PRUNE2: variants seen among roughly 807,000 people sequenced by gnomAD.
PRUNE2 encodes the protein prune homolog 2 with BCH domain.
A neutral mutation model predicts 252.0 loss-of-function variants in PRUNE2; 164 were observed. The ratio of observed to expected loss-of-function variants is 0.65; its 90% CI spans 0.57 to 0.74. The LOEUF is 0.74. Ranked by LOEUF, PRUNE2 falls within the 30% of genes least tolerant of loss-of-function variation. The pLI, the probability that PRUNE2 is intolerant of heterozygous loss-of-function variation, is 0.00. For synonymous variants in PRUNE2, 1,292 were observed against 1,350.2 expected, an observed-to-expected ratio of 0.96 and a Z score of 0.94; for missense variants, 3,495 against 3,711.0, an observed-to-expected ratio of 0.94 and a Z score of 1.51.
chr9:76,874,338 C>A (rs1405926880), intron 1 of PRUNE2, among the ~76,000 whole-genome samples: 1 of 152,054 alleles, frequency 6.6e-6, no homozygotes, highest in Admixed American at 6.5e-5. Context: ...CTGGTCAAAC[C>A]ATTTAAAAAG....
At chr9:76,656,311 C>A (rs1049997809) in intron 9 of PRUNE2, among the ~76,000 whole-genome samples, 7 of 152,144 alleles carry the variant, frequency 4.6e-5, no homozygotes, top group Non-Finnish European at 8.8e-5. Flanking sequence ...TTCAGTAAGA[C>A]CCCATTTACC....
At position 76,703,612 on chromosome 9, in the gene PRUNE2, G is replaced by T; in HGVS notation, c.8001C>A (p.Gly2667=). 1.2e-6 allele frequency: 2 copies of T among 1,612,940 alleles called. No homozygotes were observed. The highest frequency in any genetic ancestry group is 1.7e-6 in the Non-Finnish European group (2 of 1,179,876). The change falls in exon 9 of 19, where the codon GGC becomes GGA. Residue 2667 remains glycine (G), a synonymous_variant. Coordinates refer to ENST00000376718, the MANE Select transcript of PRUNE2 (RefSeq NM_015225.3). ...TCTGCAGCTGGGGACCCTCACCCAAGCCGAGTTCAGAGAACGGCTCCACAG... is the reference window on the plus strand; with the variant it reads ...TCTGCAGCTGGGGACCCTCACCCAATCCGAGTTCAGAGAACGGCTCCACAG... ...GKTVEPFSEL[G]LGEGPQLQIL...
At chr9:76,878,158 T>C (rs913982743) in intron 1 of PRUNE2, among the ~76,000 whole-genome samples, 3 of 152,188 alleles carry the variant, frequency 2.0e-5, no homozygotes, top group Non-Finnish European at 4.4e-5. Flanking sequence ...TTGATGACTC[T>C]GGGCACAAGA....
At chr9:76,851,246 G>A (rs2059937369) in intron 2 of PRUNE2, among the ~76,000 whole-genome samples, 1 of 152,064 alleles carries the variant, frequency 6.6e-6, no homozygotes, top group African/African-American at 2.4e-5. Context: ...GCCCAGTGTA[G>A]TTAAAACTTT....
chr9:76,854,205 G>A lies in PRUNE2; in HGVS notation c.40C>T (p.Arg14Ter), dbSNP rs771959220. 4.5e-5 allele frequency: 71 copies of A among 1,566,428 alleles called. No individual in the cohort carries two copies. The highest frequency in any genetic ancestry group is 8.3e-5 in the South Asian group (7 of 84,120). The change falls in exon 2 of 19, where the codon CGA becomes TGA. Residue 14 changes from arginine (R) to a stop codon, truncating the protein, a stop_gained. Transcript: ENST00000376718. LOFTEE classifies it high-confidence loss of function. ...TGGACCTTCTCCAAGCGTTTGCTTC[G>A]ATTCTGAAACAAATTCAAAGGAAAC... ...FLQRAKSKLN[R>*]SKRLEKVHVV...
intron 6 of PRUNE2, among the ~76,000 whole-genome samples, chr9:76,775,746 G>A (rs2053663338): frequency 6.6e-6 from 1 of 152,144 alleles, no homozygotes. Flanking sequence ...CCCATTTCAG[G>A]CAAATTCTCT....
At position 76,765,894 on chromosome 9, in the gene PRUNE2, C is replaced by T. The variant is rs138916356; in HGVS notation, c.757-52173G>A. ...GAAGGCCTAACCTTTAGAAATATCT[C>T]GTTAGAGGCCAGACGCGGTGGCTCA... On this transcript the variant is annotated intron_variant, in intron 6 of 18. Transcript: ENST00000376718. Among the ~76,000 whole-genome samples, 3 of 152,134 alleles carry T rather than the reference C, an allele frequency of 2.0e-5. No individual in the cohort carries two copies. The East Asian group carries it at 5.8e-4, about 30-fold the overall frequency.
chr9:76,742,635 GAAAAGA>G (rs1261282559), intron 6 of PRUNE2, among the ~76,000 whole-genome samples: 2 of 151,078 alleles, frequency 1.3e-5, no homozygotes, highest in Admixed American at 1.3e-4. Flanking sequence ...AAGAAAGAAA[GAAAAGA>G]AAAAGAACAA....
chr9:76,886,428 G>T (rs973544942), intron 1 of PRUNE2, among the ~76,000 whole-genome samples: 2 of 152,084 alleles, frequency 1.3e-5, no homozygotes, highest in African/African-American at 4.8e-5. Flanking sequence ...CAGTTGTCAG[G>T]CCAGAAGCCT....
intron 6 of PRUNE2, among the ~76,000 whole-genome samples, chr9:76,811,967 TACGGAAGAGGAAA>T (rs1160278547): frequency 6.6e-6 from 1 of 152,090 alleles, no homozygotes; most frequent in Non-Finnish European, 1.5e-5. Context: ...CATGTGGACA[TACGGAAGAGGAAA>T]AAGCTGTGCA....
intron 6 of PRUNE2, among the ~76,000 whole-genome samples, chr9:76,743,267 A>T (rs190370385): frequency 1.3e-5 from 2 of 152,254 alleles, no homozygotes; most frequent in African/African-American, 4.8e-5. Flanking sequence ...GGACTAATAC[A>T]GAGAGCTACA....
intron 7 of PRUNE2, among the ~76,000 whole-genome samples, chr9:76,711,828 A>G (rs1411862067): frequency 6.6e-6 from 1 of 152,212 alleles, no homozygotes; most frequent in Admixed American, 6.5e-5. Context: ...CAAAAGAGAG[A>G]GTAGGAAAGA....
At chr9:76,877,425 G>A (rs989429331) in intron 1 of PRUNE2, among the ~76,000 whole-genome samples, 29 of 152,014 alleles carry the variant, frequency 1.9e-4, no homozygotes, top group East Asian at 3.9e-4. Context: ...CCCAGGAGGC[G>A]GAGGTTGCAG....
rs201240711 is a variant in PRUNE2 at position 76,717,676 on chromosome 9, A to ACC, written c.757-3957_757-3956dup. Reference sequence around the variant, plus strand: ...AAAAGCACTTCCTGTTGAACTTACCACCCCCCCCACCAGCCACACACACCT... The same window carrying ACC: ...AAAAGCACTTCCTGTTGAACTTACCACCCCCCCCCCACCAGCCACACACACCT... On this transcript the variant is annotated intron_variant, in intron 6 of 18. Transcript: ENST00000376718. 2.4e-4 allele frequency among the ~76,000 whole-genome samples: 36 copies of ACC among 148,072 alleles called. No homozygotes were observed. The South Asian group carries it at 3.1e-3, about 13-fold the overall frequency.
At position 76,776,504 on chromosome 9, in the gene PRUNE2, TTTTTTTC is replaced by T. The variant is rs1242891551; in HGVS notation, c.756+47121_756+47127del. 4.7e-3 allele frequency among the ~76,000 whole-genome samples: 706 copies of T among 151,352 alleles called. 1 individual carries two copies. The highest frequency in any genetic ancestry group is 7.2e-3 in the Non-Finnish European group (491 of 67,872). On this transcript the variant is annotated intron_variant, in intron 6 of 18. Transcript: ENST00000376718. ...ATACATTTACACCACATTTTCTTTTTTTTTTTCTTTTTTCTTTTTTTTTTTTTTTTGA... is the reference window on the plus strand; with the variant it reads ...ATACATTTACACCACATTTTCTTTTTTTTTTTCTTTTTTTTTTTTTTTTGA...
intron 6 of PRUNE2, among the ~76,000 whole-genome samples, chr9:76,799,776 G>T (rs2056414234): frequency 6.6e-6 from 1 of 152,168 alleles, no homozygotes; most frequent in Non-Finnish European, 1.5e-5. Flanking sequence ...AGTAGCAATT[G>T]TATTGCAGTT....
At chr9:76,649,893 G>C (rs1334654581) in intron 11 of PRUNE2, among the ~76,000 whole-genome samples, 1 of 151,846 alleles carries the variant, frequency 6.6e-6, no homozygotes, top group Non-Finnish European at 1.5e-5. Context: ...AATAAAACAG[G>C]CAAATGGCCT....
chr9:76,797,610 T>C (rs1564327139), intron 6 of PRUNE2, among the ~76,000 whole-genome samples: 1 of 152,196 alleles, frequency 6.6e-6, no homozygotes, highest in Non-Finnish European at 1.5e-5. Context: ...AGGTGAAATG[T>C]GGTTTCCTTT....
intron 9 of PRUNE2, among the ~76,000 whole-genome samples, chr9:76,673,663 C>T (rs1349917135): frequency 1.3e-5 from 2 of 150,000 alleles, no homozygotes; most frequent in Non-Finnish European, 3.0e-5. Context: ...CAATAAAATA[C>T]TGGCAAAACG....
Sources: gnomAD v4.1 joint callset for allele counts (sites outside exome capture counted in the v4.1 genomes callset) on GRCh38, gnomAD v4.1.1 for gene constraint, MANE v1.5 for transcripts, NCBI Gene and HGNC (gene_info 2026-07-23, HGNC 2026-07-21) for gene names.